Variants in DDX27 observed in about 807,000 individuals in gnomAD.
DDX27 encodes the protein probable ATP-dependent RNA helicase DDX27.
Under a neutral mutation model 99.3 loss-of-function variants are expected in DDX27, and 42 were observed. That is an observed-to-expected ratio of 0.42 (90% confidence interval 0.33 to 0.55). The LOEUF (loss-of-function observed/expected upper bound fraction) is 0.55. DDX27 is among the 20% of genes least tolerant of loss of function. The pLI is 0.07. For missense variants in DDX27, 798 were observed against 976.8 expected (o/e 0.82, Z 2.44); for synonymous variants, 329 against 353.8 (o/e 0.93, Z 0.79).
Position 49,236,623 on chromosome 20 carries a change from C to A in DDX27, c.1687+113C>A. On this transcript the variant is annotated intron_variant, in intron 14 of 20. Transcript: ENST00000618172. This position sits in a 1 kb window ranked among gnomAD's most constrained non-coding sequence, Gnocchi z 4.1. The stretch of plus-strand genomic sequence containing the variant: ...TTCAGAGCCAGATTTGAATTCCAGC[C>A]CTGCTGCTTCCTTGCCGAGTGACCA... 9.4e-7 allele frequency: 1 copy of A among 1,064,366 alleles called. No individual in the cohort carries two copies. Among genetic ancestry groups the A allele is most frequent in the Non-Finnish European group, 1.3e-6 (1 of 793,934 alleles). The allele number at this position is 1,064,366 out of a possible 1,614,324, so 65.9% of individuals were successfully genotyped here.
chr20:49,241,825 A>G (rs759280649), intron 16 of DDX27, 68 bp from the exon 17 acceptor site: 36 of 1,530,222 alleles, frequency 2.4e-5, no homozygotes, highest in Non-Finnish European at 2.3e-5. Context: ...GAAAACGTGC[A>G]CTTCTTATCG....
At position 49,233,666 on chromosome 20, in the gene DDX27, G is replaced by C. The variant is rs1980205200; in HGVS notation, c.1230G>C (p.Arg410=). The C allele has an allele frequency of 1.2e-6, 2 of 1,614,018 alleles. No homozygotes were observed. The highest frequency in any genetic ancestry group is 1.7e-6 in the Non-Finnish European group (2 of 1,179,990). ...CCTTCCTGCGGCAGGAGTTCATCCGGATCCGGCCTAATCGTGAAGGAGACC... is the reference window on the plus strand; with the variant it reads ...CCTTCCTGCGGCAGGAGTTCATCCGCATCCGGCCTAATCGTGAAGGAGACC... ...VAPFLRQEFI[R]IRPNREGDRE... The change falls in exon 11 of 21, where the codon CGG becomes CGC. Residue 410 remains arginine, a synonymous_variant. Transcript: ENST00000618172.
In DDX27 at chr20:49,225,166, C is replaced by T. The variant is rs1386410739; in HGVS notation, c.567C>T (p.Phe189=). 1 of 1,614,080 alleles carries T rather than the reference C, an allele frequency of 6.2e-7. No homozygotes were observed. Among genetic ancestry groups the T allele is most frequent in the South Asian group, 1.1e-5 (1 of 91,076 alleles). ...DASQYDENLS[F]QDMNLSRPLL... The stretch of plus-strand genomic sequence containing the variant: ...CTCAGTACGATGAAAACCTCTCGTT[C>T]CAGGACATGAACCTTTCCCGCCCTC... Residue 189 remains phenylalanine (F), a synonymous_variant, in exon 6 of 21, where the codon TTC becomes TTT. Coordinates refer to ENST00000618172, the MANE Select transcript of DDX27 (RefSeq NM_017895.8).
At position 49,233,529 on chromosome 20, in the gene DDX27, T is replaced by C. The variant is rs757213070; in HGVS notation, c.1132-39T>C. ...CACTGCTTCCTCCTTCCCTACCACC[T>C]TGCAGAGAGCTGAGGAAACCTGGCT... On this transcript the variant is annotated intron_variant, in intron 10 of 20. Coordinates refer to ENST00000618172, the MANE Select transcript of DDX27 (RefSeq NM_017895.8). 1.1e-5 allele frequency: 17 copies of C among 1,606,722 alleles called. No individual in the cohort carries two copies. In the East Asian group the frequency reaches 2.9e-4, roughly 27 times the overall value.
chr20:49,243,703 GGTGA>G lies in DDX27; in HGVS notation c.2279+1_2279+4del. 1 of 1,614,160 alleles carries G rather than the reference GGTGA, an allele frequency of 6.2e-7. No homozygotes were observed. Among genetic ancestry groups the G allele is most frequent in the South Asian group, 1.1e-5 (1 of 91,078 alleles). On this transcript the variant is annotated splice_donor_variant and splice_donor_region_variant and intron_variant, in intron 20 of 20. Coordinates refer to ENST00000618172, the MANE Select transcript of DDX27 (RefSeq NM_017895.8). LOFTEE classifies it high-confidence loss of function. Reference sequence around the variant, plus strand: ...GGAGGAAACTTTAAATCTAAATCCAGGTGATACTGGCTGTTTTGGAGGGGCATAG... The same window carrying G: ...GGAGGAAACTTTAAATCTAAATCCAGTACTGGCTGTTTTGGAGGGGCATAG...
intron 2 of DDX27, among the ~76,000 whole-genome samples, chr20:49,222,308 A>G (rs1979716645): frequency 7.1e-6 from 1 of 140,264 alleles, no homozygotes; most frequent in Non-Finnish European, 1.5e-5. Flanking sequence ...AATTTTTTGT[A>G]GTTTTTTTTT....
In DDX27 at chr20:49,236,421, T is replaced by G; in HGVS notation, c.1598T>G (p.Val533Gly). The G allele has an allele frequency of 6.2e-7, 1 of 1,613,204 alleles. No individual in the cohort carries two copies. Among genetic ancestry groups the G allele is most frequent in the Non-Finnish European group, 8.5e-7 (1 of 1,179,682 alleles). ...TARAGRAGRS[V>G]SLVGEDERKM... ...CGTGCTGGCAGGGCTGGGCGCTCAGTCTCTCTGGTGGGAGAAGATGAGCGG... is the reference window on the plus strand; with the variant it reads ...CGTGCTGGCAGGGCTGGGCGCTCAGGCTCTCTGGTGGGAGAAGATGAGCGG... The change falls in exon 14 of 21, where the codon GTC (valine) becomes GGC (glycine). Residue 533 changes from valine (V) to glycine (G), a missense_variant. By Grantham distance (109) the Val-to-Gly change is moderately radical. Around this residue, in one of 2 missense-constraint regions of DDX27, gnomAD observed 553 missense variants for 727.9 expected, o/e 0.76. Coordinates refer to ENST00000618172, the MANE Select transcript of DDX27 (RefSeq NM_017895.8). This position sits in a 1 kb window ranked among gnomAD's most constrained non-coding sequence, Gnocchi z 4.1.
rs1979555567 is a variant in DDX27 at position 49,219,599 on chromosome 20, C to A, written c.93+58C>A. 2.0e-6 allele frequency: 3 copies of A among 1,514,450 alleles called. No homozygotes were observed. The South Asian group carries it at 3.7e-5, about 19-fold the overall frequency. 93.8% of individuals were successfully genotyped at this position (1,514,450 alleles called of 1,614,324 possible). On this transcript the variant is annotated intron_variant, in intron 1 of 20. Transcript: ENST00000618172. The stretch of plus-strand genomic sequence containing the variant: ...TGACTGCTTCCCTTCCTCGCGATTC[C>A]TCAGGTCCCTGTCCCCGAATCCTCA...
intron 4 of DDX27, 105 bp downstream of exon 4, chr20:49,223,538 G>C (rs951215321): frequency 4.0e-5 from 44 of 1,108,410 alleles, no homozygotes; most frequent in Non-Finnish European, 5.3e-5. Flanking sequence ...TTATCTTTAA[G>C]CTGTTCTGCC....
chr20:49,233,237 A>G (rs1980184094), intron 9 of DDX27, 69 bp from the exon 10 acceptor site: 1 of 1,131,776 alleles, frequency 8.8e-7, no homozygotes, highest in Non-Finnish European at 1.3e-6. Context: ...GCCGGTATGC[A>G]ATCCCGTGTC....
chr20:49,229,687 T>C (rs1980032547), intron 8 of DDX27, among the ~76,000 whole-genome samples: 2 of 150,972 alleles, frequency 1.3e-5, no homozygotes. Flanking sequence ...CTCACTCTGT[T>C]GCCCAGGTGG....
intron 12 of DDX27, 114 bp downstream of exon 12, chr20:49,235,202 T>G: frequency 7.9e-7 from 1 of 1,266,522 alleles, no homozygotes. Flanking sequence ...ACACATAGCA[T>G]GATCTTGGCC....
In DDX27 at chr20:49,233,301, C is replaced by T. The variant is rs750734819; in HGVS notation, c.1032-5C>T. On this transcript the variant is annotated splice_region_variant and splice_polypyrimidine_tract_variant and intron_variant, in intron 9 of 20. Coordinates refer to ENST00000618172, the MANE Select transcript of DDX27 (RefSeq NM_017895.8). ...CATTTCTGCCATGTCTTTCTCTGCT[C>T]CCAGGATGCTGGATGAGTACTTTGA... The T allele has an allele frequency of 1.2e-6, 2 of 1,612,784 alleles. No homozygotes were observed. The highest frequency in any genetic ancestry group is 1.3e-5 in the African/African-American group (1 of 74,894).
rs1980572744 is a variant in DDX27, at chr20:49,244,072, A to C, written c.*238A>C. 1 of 589,912 alleles carries C rather than the reference A, an allele frequency of 1.7e-6. No homozygotes were observed. The highest frequency in any genetic ancestry group is 3.0e-5 in the Admixed American group (1 of 32,992). The allele number at this position is 589,912 out of a possible 1,614,324, so 36.5% of individuals were successfully genotyped here. A position where few individuals can be genotyped will look rare whatever the true frequency, so the allele number is the denominator to read the frequency against. ...ATGGAAGTATTTTTGGGAAAAGAGAAACCAATCCAAGTGTATATCTTATTA... is the reference window on the plus strand; with the variant it reads ...ATGGAAGTATTTTTGGGAAAAGAGACACCAATCCAAGTGTATATCTTATTA... On this transcript the variant is annotated 3_prime_UTR_variant, in exon 21 of 21. Coordinates refer to ENST00000618172, the MANE Select transcript of DDX27 (RefSeq NM_017895.8).
At chr20:49,241,188 T>C (rs542983049) in intron 16 of DDX27, among the ~76,000 whole-genome samples, 1 of 152,344 alleles carries the variant, frequency 6.6e-6, no homozygotes, top group African/African-American at 2.4e-5. Flanking sequence ...TTTGTATTTC[T>C]AGTTTTGTTA....
intron 19 of DDX27, 130 bp from the exon 20 acceptor site, chr20:49,243,499 A>C: frequency 1.5e-5 from 12 of 782,186 alleles, no homozygotes; most frequent in Non-Finnish European, 2.6e-5. Flanking sequence ...AAAGGCTTAG[A>C]ACTTAGGGCC....
At position 49,219,523 on chromosome 20, in the gene DDX27, C is replaced by T. The variant is rs749691054; in HGVS notation, c.75C>T (p.Ser25=). 6.8e-6 allele frequency: 11 copies of T among 1,613,566 alleles called. No individual in the cohort carries two copies. The highest frequency in any genetic ancestry group is 5.3e-5 in the African/African-American group (4 of 74,832). The change falls in exon 1 of 21, where the codon TCC becomes TCT. Residue 25 remains serine, a synonymous_variant. Transcript: ENST00000618172. ...TGCCGGTGGAGCCCGAGTCTGACTC[C>T]GGGGACGAGGAAGAGGAGGTATGAG... ...DEVPVEPESD[S]GDEEEEGPIV...
chr20:49,229,099 G>A (rs1980007516), intron 8 of DDX27, among the ~76,000 whole-genome samples: 1 of 145,924 alleles, frequency 6.9e-6, no homozygotes, highest in South Asian at 2.2e-4. Flanking sequence ...GTGCAGTGGC[G>A]CAATCTTGGC....
Position 49,233,689 on chromosome 20 carries a change from A to G in DDX27, c.1253A>G (p.Asp418Gly). Residue 418 changes from aspartate to glycine, a missense_variant, in exon 11 of 21, where the codon GAC becomes GGC. This residue lies in a region of DDX27 where 553 missense variants were observed against 727.9 expected (regional missense o/e 0.76). Transcript: ENST00000618172. ...FIRIRPNREG[D>G]REAIVAALLT... Reference sequence around the variant, plus strand: ...CGGATCCGGCCTAATCGTGAAGGAGACCGGGAAGCCATCGTGGCAGGTGGC... The same window carrying G: ...CGGATCCGGCCTAATCGTGAAGGAGGCCGGGAAGCCATCGTGGCAGGTGGC... 6.2e-7 allele frequency: 1 copy of G among 1,613,584 alleles called. No individual in the cohort carries two copies. The highest frequency in any genetic ancestry group is 1.3e-5 in the African/African-American group (1 of 74,988).
Sources: allele counts gnomAD v4.1 joint callset (sites outside exome capture counted in the v4.1 genomes callset), GRCh38; gene constraint gnomAD v4.1.1; regional missense constraint gnomAD v4.1.1; non-coding constraint Gnocchi (gnomAD v3.1); transcripts MANE v1.5; gene names NCBI Gene and HGNC (gene_info 2026-07-23, HGNC 2026-07-21).